The following PALM2AKAP2 variants were observed in gnomAD, a reference collection of about 807,000 sequenced individuals.
The protein encoded by PALM2AKAP2 is PALM2 and AKAP2 fusion.
In PALM2AKAP2, 37 loss-of-function variants were observed where a neutral mutation model predicts 71.5. That is an observed-to-expected ratio of 0.52 (90% CI 0.40 to 0.68). The LOEUF is 0.68. Among genes scored for constraint, PALM2AKAP2 ranks in the 30% least tolerant of loss-of-function variants. The pLI, the probability that PALM2AKAP2 is intolerant of heterozygous loss-of-function variation, is 0.00. For synonymous variants in PALM2AKAP2, 468 were observed against 478.8 expected (o/e 0.98, Z 0.29); for missense variants, 1,224 against 1,191.8 (o/e 1.03, Z -0.40).
At chr9:110,113,439 A>C (rs994650446) in intron 1 of PALM2AKAP2, among the ~76,000 whole-genome samples, 11 of 151,368 alleles carry the variant, frequency 7.3e-5, no homozygotes, top group African/African-American at 2.7e-4. Flanking sequence ...GGGTTTCACC[A>C]TGTTGACCAG....
chr9:109,765,879 G>C (rs1564139731), intron 1 of PALM2AKAP2, among the ~76,000 whole-genome samples: 1 of 152,188 alleles, frequency 6.6e-6, no homozygotes, highest in Non-Finnish European at 1.5e-5. Flanking sequence ...CTGAGCCTGA[G>C]ATGCAATGCA....
intron 1 of PALM2AKAP2, among the ~76,000 whole-genome samples, chr9:109,860,007 A>G (rs1261209895): frequency 6.6e-6 from 1 of 152,276 alleles, no homozygotes; most frequent in Non-Finnish European, 1.5e-5. Flanking sequence ...TTAGCTAACT[A>G]CATAGGAAGC....
At chr9:109,810,155 A>G (rs1233048219) in intron 1 of PALM2AKAP2, among the ~76,000 whole-genome samples, 1 of 152,188 alleles carries the variant, frequency 6.6e-6, no homozygotes, top group Non-Finnish European at 1.5e-5. Context: ...TAGCATGCAG[A>G]TAAATTTAGG....
chr9:109,959,411 G>A lies in PALM2AKAP2; in HGVS notation c.496+27383G>A, dbSNP rs887404330. On this transcript the variant is annotated intron_variant, in intron 6 of 9. Coordinates refer to the PALM2AKAP2 transcript ENST00000302798. ...CTGTAATCCCAGCACTTTGGAGGCCGAGGCGGGCAGATCACAAGCTCAGGA... is the reference window on the plus strand; with the variant it reads ...CTGTAATCCCAGCACTTTGGAGGCCAAGGCGGGCAGATCACAAGCTCAGGA... 5.3e-5 allele frequency among the ~76,000 whole-genome samples: 8 copies of A among 152,150 alleles called. No homozygotes were observed. In the East Asian group the frequency reaches 5.8e-4, roughly 11 times the overall value.
intron 1 of PALM2AKAP2, among the ~76,000 whole-genome samples, chr9:109,831,947 G>A (rs12000015): frequency 1.3e-3 from 202 of 152,222 alleles, no homozygotes; most frequent in African/African-American, 4.1e-3. Context: ...AGAGCCTTAC[G>A]AATTCTAAAG....
chr9:109,836,944 G>A (rs1828497658), intron 1 of PALM2AKAP2, among the ~76,000 whole-genome samples: 1 of 152,152 alleles, frequency 6.6e-6, no homozygotes, highest in Non-Finnish European at 1.5e-5. Context: ...AACCAAATTG[G>A]AAAACACTCT....
chr9:110,048,952 T>C, intron 1 of PALM2AKAP2: 1 of 1,378,176 alleles, frequency 7.3e-7, no homozygotes. Context: ...GCTGGAAATC[T>C]GGGAGTCCTC....
In PALM2AKAP2 at chr9:109,710,891, AAG is replaced by A. The variant is rs529598407; in HGVS notation, c.6-69594_6-69593del. ...AAGTTGATATACCTTCTGGAAAAGA[AAG>A]AGCAGGGAAAAAGCAGGAGCTACAG... On this transcript the variant is annotated intron_variant, in intron 1 of 6. Coordinates refer to the PALM2AKAP2 transcript ENST00000374531. Among the ~76,000 whole-genome samples the A allele has an allele frequency of 1.9e-3, 288 of 152,294 alleles. 6 individuals carry two copies. The South Asian group carries it at 0.021, about 11-fold the overall frequency.
chr9:109,665,665 G>A (rs1038459302), intron 1 of PALM2AKAP2, among the ~76,000 whole-genome samples: 4 of 152,226 alleles, frequency 2.6e-5, no homozygotes, highest in African/African-American at 7.2e-5. Context: ...ACTTGAGGAG[G>A]CAGTCTGTCC....
intron 3 of PALM2AKAP2, among the ~76,000 whole-genome samples, chr9:110,165,780 A>G (rs949694766): frequency 6.6e-6 from 1 of 152,210 alleles, no homozygotes; most frequent in Non-Finnish European, 1.5e-5. Context: ...TTCTATCCTC[A>G]ACACGAAGCA....
At chr9:110,147,548 G>A (rs1836207055) in intron 2 of PALM2AKAP2, among the ~76,000 whole-genome samples, 1 of 152,144 alleles carries the variant, frequency 6.6e-6, no homozygotes, top group African/African-American at 2.4e-5. Context: ...AAAGCTTAGA[G>A]GCTGATCGCT....
chr9:109,666,229 G>T (rs1372813805), intron 1 of PALM2AKAP2, among the ~76,000 whole-genome samples: 3 of 152,174 alleles, frequency 2.0e-5, no homozygotes, highest in Non-Finnish European at 2.9e-5. Flanking sequence ...GATGAACCAG[G>T]TACCTCAGTT....
chr9:110,136,097 AC>A, intron 1 of PALM2AKAP2, 29 bp from the exon 8 acceptor site: 1 of 1,535,482 alleles, frequency 6.5e-7, no homozygotes, highest in Non-Finnish European at 8.7e-7. Context: ...GCAGTATTTA[AC>A]CCTGACTTTT....
intron 1 of PALM2AKAP2, among the ~76,000 whole-genome samples, chr9:109,722,114 A>G (rs1828415233): frequency 6.6e-6 from 1 of 152,236 alleles, no homozygotes; most frequent in African/African-American, 2.4e-5. Context: ...AGCAAAATAC[A>G]GGAAGTGATT....
intron 1 of PALM2AKAP2, among the ~76,000 whole-genome samples, chr9:109,701,995 C>T (rs1828068352): frequency 6.6e-6 from 1 of 151,986 alleles, no homozygotes; most frequent in Admixed American, 6.6e-5. Context: ...AAAAAATGCT[C>T]ATCATCACTG....
intron 1 of PALM2AKAP2, among the ~76,000 whole-genome samples, chr9:109,652,163 C>A (rs763476755): frequency 1.3e-5 from 2 of 152,106 alleles, no homozygotes; most frequent in Admixed American, 6.5e-5. Context: ...AAATATATCA[C>A]AATCCACTGA....
chr9:109,885,943 A>G (rs1829954118), intron 3 of PALM2AKAP2, among the ~76,000 whole-genome samples: 1 of 152,240 alleles, frequency 6.6e-6, no homozygotes, highest in South Asian at 2.1e-4. Context: ...ACACCAAAGC[A>G]GCTGCAAAGG....
intron 3 of PALM2AKAP2, among the ~76,000 whole-genome samples, chr9:109,907,767 G>A (rs1267339203): frequency 6.6e-6 from 1 of 152,144 alleles, no homozygotes; most frequent in Non-Finnish European, 1.5e-5. Context: ...CTGTCACCTG[G>A]TAATGTCAAG....
At chr9:110,004,045 G>A (rs930227084) in intron 6 of PALM2AKAP2, among the ~76,000 whole-genome samples, 8 of 152,130 alleles carry the variant, frequency 5.3e-5, no homozygotes, top group Admixed American at 3.3e-4. Flanking sequence ...GGTTAATATT[G>A]TTATGTATGA....
Sources: gnomAD v4.1 joint callset for allele counts (sites outside exome capture counted in the v4.1 genomes callset) on GRCh38, gnomAD v4.1.1 for gene constraint, MANE v1.5 for transcripts, NCBI Gene and HGNC (gene_info 2026-07-23, HGNC 2026-07-21) for gene names.